The following ACER2 variants were observed in gnomAD, a reference collection of about 807,000 sequenced individuals.
ACER2 encodes the protein alkaline ceramidase 2, also known as alkCDase 2.
In ACER2, 26 loss-of-function variants were observed where a neutral mutation model predicts 34.7. The observed-to-expected ratio is 0.75, with a 90% CI of 0.55 to 1.04. ACER2 has a LOEUF of 1.04. Among genes scored for constraint, ACER2 ranks in the 50% least tolerant of loss-of-function variants. The pLI is 0.00. For synonymous variants in ACER2, 138 were observed against 132.1 expected, an observed-to-expected ratio of 1.04 and a Z score of -0.31; for missense variants, 352 against 340.8, an observed-to-expected ratio of 1.03 and a Z score of -0.26.
chr9:19,434,326 C>T (rs1385747658), intron 3 of ACER2, among the ~76,000 whole-genome samples: 4 of 144,828 alleles, frequency 2.8e-5, no homozygotes, highest in African/African-American at 5.2e-5. Flanking sequence ...ACATCCCAGA[C>T]GATGGCCGGC....
chr9:19,426,158 G>C (rs1203124876), intron 3 of ACER2, among the ~76,000 whole-genome samples: 1 of 151,384 alleles, frequency 6.6e-6, no homozygotes, highest in South Asian at 2.1e-4. Context: ...GCCATTGGCT[G>C]TTCTTGGGCA....
chr9:19,444,154 TAA>T lies in ACER2; in HGVS notation c.504-2114_504-2113del, dbSNP rs142554474. On this transcript the variant is annotated intron_variant, in intron 4 of 5. Coordinates refer to ENST00000340967, the MANE Select transcript of ACER2 (RefSeq NM_001010887.3). ...AATACACTAATGATAGCTGATGAGCTAAAAAAAAAAAAAAGAAAAGAAAAAAA... is the reference window on the plus strand; with the variant it reads ...AATACACTAATGATAGCTGATGAGCTAAAAAAAAAAAAGAAAAGAAAAAAA... Among the ~76,000 whole-genome samples the T allele has an allele frequency of 2.5e-3, 240 of 95,712 alleles. 1 individual carries two copies. Among genetic ancestry groups the T allele is most frequent in the South Asian group, 8.6e-3 (25 of 2,922 alleles). 62.8% of individuals were successfully genotyped at this position (95,712 alleles called of 152,430 possible).
At chr9:19,421,133 G>A (rs1281620376) in intron 1 of ACER2, among the ~76,000 whole-genome samples, 4 of 152,178 alleles carry the variant, frequency 2.6e-5, no homozygotes, top group Admixed American at 2.6e-4. Context: ...AAATATTTGT[G>A]TATTTAAGCA....
chr9:19,444,193 G>A (rs1483970703), intron 4 of ACER2, among the ~76,000 whole-genome samples: 1 of 137,940 alleles, frequency 7.2e-6, no homozygotes, highest in Non-Finnish European at 1.6e-5. Context: ...AAAGAAAGTC[G>A]CAAAAAAAAA....
chr9:19,436,253 C>A (rs1830970391), intron 4 of ACER2, among the ~76,000 whole-genome samples: 1 of 151,994 alleles, frequency 6.6e-6, no homozygotes, highest in Non-Finnish European at 1.5e-5. Flanking sequence ...GTCTGGCTCC[C>A]CTCCCCATCT....
chr9:19,426,793 G>T (rs1830584474), intron 3 of ACER2, among the ~76,000 whole-genome samples: 1 of 152,044 alleles, frequency 6.6e-6, no homozygotes, highest in African/African-American at 2.4e-5. Flanking sequence ...CAGTTGGGGT[G>T]GTGCACGCCT....
intron 1 of ACER2, chr9:19,409,748 T>C (rs1740691903): frequency 1.0e-6 from 1 of 985,146 alleles, no homozygotes; most frequent in Admixed American, 6.1e-5. Context: ...AGTTAATTAC[T>C]ACTTGTTTTT....
intron 2 of ACER2, 53 bp downstream of exon 2, chr9:19,424,029 A>AG: frequency 1.5e-6 from 2 of 1,361,832 alleles, no homozygotes; most frequent in South Asian, 2.3e-5. Flanking sequence ...GGATGGGGGT[A>AG]GAAGGAATTC....
chr9:19,445,423 A>T (rs73420022), intron 4 of ACER2, among the ~76,000 whole-genome samples: 4,899 of 152,338 alleles, frequency 0.032, 252 homozygotes, highest in African/African-American at 0.11. Context: ...AGTGAAACAC[A>T]GAGGGTGTCA....
intron 4 of ACER2, among the ~76,000 whole-genome samples, chr9:19,444,173 A>G (rs1283079322): frequency 6.7e-6 from 1 of 148,536 alleles, no homozygotes; most frequent in African/African-American, 2.5e-5. Context: ...AAAAAAGAAA[A>G]GAAAAAAAAA....
At chr9:19,430,509 G>A (rs988666358) in intron 3 of ACER2, among the ~76,000 whole-genome samples, 4 of 152,158 alleles carry the variant, frequency 2.6e-5, no homozygotes, top group African/African-American at 9.7e-5. Context: ...TCTGGGGTCT[G>A]CTGGGCTGGC....
At position 19,409,212 on chromosome 9, in the gene ACER2, G is replaced by C. The variant is rs576417429; in HGVS notation, c.108+20G>C. The C allele has an allele frequency of 4.0e-5, 62 of 1,564,372 alleles. No homozygotes were observed. The highest frequency in any genetic ancestry group is 5.3e-5 in the Non-Finnish European group (61 of 1,154,336). ...AACACGGTGCGGGGCGCGGGAGCGG[G>C]GAAGGCAGGCGGGCCAGCGGGAGGG... is the stretch of plus-strand genomic sequence containing the variant. On this transcript the variant is annotated intron_variant, in intron 1 of 5. Coordinates refer to ENST00000340967, the MANE Select transcript of ACER2 (RefSeq NM_001010887.3).
intron 3 of ACER2, among the ~76,000 whole-genome samples, chr9:19,427,207 A>G (rs1439240740): frequency 1.3e-5 from 2 of 152,228 alleles, no homozygotes; most frequent in Non-Finnish European, 1.5e-5. Flanking sequence ...ACTAAGCAAC[A>G]TGGAGAGGGC....
chr9:19,410,709 C>T (rs1052903960), intron 1 of ACER2, among the ~76,000 whole-genome samples: 7 of 152,146 alleles, frequency 4.6e-5, no homozygotes, highest in Admixed American at 2.0e-4. Context: ...CAAAGAAAAC[C>T]TGGCCCTCTG....
chr9:19,413,681 T>A (rs1229497235), intron 1 of ACER2, among the ~76,000 whole-genome samples: 1 of 151,810 alleles, frequency 6.6e-6, no homozygotes, highest in Non-Finnish European at 1.5e-5. Context: ...CGGGTCTGCC[T>A]TTTACCTGAG....
chr9:19,450,914 A>G lies in ACER2; in HGVS notation c.*278A>G. ...TGGTTTTAAACTTTCATGTTGTCAC[A>G]TCTGTTAATCTTTTCTTTAGGATTT... On this transcript the variant is annotated 3_prime_UTR_variant, in exon 6 of 6. Coordinates refer to ENST00000340967, the MANE Select transcript of ACER2 (RefSeq NM_001010887.3). 3.9e-6 allele frequency: 1 copy of G among 256,424 alleles called. No individual in the cohort carries two copies. The highest frequency in any genetic ancestry group is 7.3e-6 in the Non-Finnish European group (1 of 136,120). The allele number at this position is 256,424 out of a possible 1,614,324, so 15.9% of individuals were successfully genotyped here.
At chr9:19,423,826 A>G in intron 1 of ACER2, 36 bp from the exon 2 acceptor site, 2 of 1,539,614 alleles carry the variant, frequency 1.3e-6, no homozygotes, top group Non-Finnish European at 1.8e-6. Context: ...TTTTTACTTA[A>G]TACTCATCTT....
chr9:19,447,796 T>C (rs1340835091), intron 5 of ACER2, among the ~76,000 whole-genome samples: 2 of 152,200 alleles, frequency 1.3e-5, no homozygotes, highest in Non-Finnish European at 2.9e-5. Flanking sequence ...CCATATTTTC[T>C]TTCCAGTTAT....
At chr9:19,424,896 A>T in intron 3 of ACER2, 55 bp downstream of exon 3, 1 of 1,601,330 alleles carries the variant, frequency 6.2e-7, no homozygotes, top group Non-Finnish European at 8.5e-7. Flanking sequence ...ACCCAATATA[A>T]CAATGTATAT....
Sources: allele counts gnomAD v4.1 joint callset (sites outside exome capture counted in the v4.1 genomes callset), GRCh38; gene constraint gnomAD v4.1.1; transcripts MANE v1.5; gene names NCBI Gene and HGNC (gene_info 2026-07-23, HGNC 2026-07-21).